The following WDR27 variants were observed in gnomAD, a reference collection of about 807,000 sequenced individuals.
The protein encoded by WDR27 is WD repeat-containing protein 27.
WDR27 carries 100 observed loss-of-function variants against 114.4 expected under a neutral mutation model. The ratio of observed to expected loss-of-function variants is 0.87; its 90% CI spans 0.74 to 1.03. WDR27 has a LOEUF of 1.03. Ranked by LOEUF, WDR27 falls within the 50% of genes least tolerant of loss-of-function variation. The pLI is 0.00. For synonymous variants in WDR27, 449 were observed against 423.1 expected, an observed-to-expected ratio of 1.06 and a Z score of -0.75; for missense variants, 1,129 against 1,092.9, an observed-to-expected ratio of 1.03 and a Z score of -0.47.
At chr6:169,487,193 AG>A (rs1343354689) in intron 25 of WDR27, among the ~76,000 whole-genome samples, 1 of 152,240 alleles carries the variant, frequency 6.6e-6, no homozygotes, top group Non-Finnish European at 1.5e-5. Flanking sequence ...GGACTGAATC[AG>A]TTAATATAAA....
At chr6:169,435,223 T>A in the WDR27 span, among the ~76,000 whole-genome samples, 2 of 152,350 alleles carry the variant, frequency 1.3e-5, no homozygotes, top group East Asian at 3.9e-4. Context: ...AACACCTGGA[T>A]GTCTAGGCAG....
intron 18 of WDR27, 35 bp from the exon 19 acceptor site, chr6:169,636,539 T>A: frequency 6.4e-7 from 1 of 1,563,758 alleles, no homozygotes; most frequent in African/African-American, 1.4e-5. Context: ...GTCAATATAA[T>A]AAATGTTAAC....
chr6:169,638,623 C>G lies in WDR27; in HGVS notation c.1785G>C (p.Gln595His), dbSNP rs753893337. 1.2e-6 allele frequency: 2 copies of G among 1,607,146 alleles called. No homozygotes were observed. Among genetic ancestry groups the G allele is most frequent in the Non-Finnish European group, 1.7e-6 (2 of 1,176,990 alleles). ...CCGCAGAGAGCAGCCACCTCCGGTCCTGGCTCCAGCACACGGCATTCACTG... is the reference window on the plus strand; with the variant it reads ...CCGCAGAGAGCAGCCACCTCCGGTCGTGGCTCCAGCACACGGCATTCACTG... Reference protein sequence around the residue: ...DGAVNAVCWSQDRRWLLSAAR... With the variant: ...DGAVNAVCWSHDRRWLLSAAR... The change falls in exon 18 of 26, where the codon CAG (glutamine) becomes CAC (histidine). Residue 595 changes from glutamine to histidine, a missense_variant. Coordinates refer to ENST00000448612, the MANE Select transcript of WDR27 (RefSeq NM_182552.5).
chr6:169,675,000 A>G (rs979718699), intron 2 of WDR27, among the ~76,000 whole-genome samples: 2 of 152,188 alleles, frequency 1.3e-5, no homozygotes, highest in Non-Finnish European at 2.9e-5. Flanking sequence ...CAATGTCATC[A>G]GTTAAGGCGG....
At chr6:169,610,120 T>C (rs549917581) in intron 22 of WDR27, among the ~76,000 whole-genome samples, 1 of 152,310 alleles carries the variant, frequency 6.6e-6, no homozygotes, top group East Asian at 1.9e-4. Context: ...GGCAAAGCCA[T>C]TCAACAAGTC....
At chr6:169,487,456 C>A (rs762154784) in intron 25 of WDR27, among the ~76,000 whole-genome samples, 2 of 152,142 alleles carry the variant, frequency 1.3e-5, no homozygotes, top group Non-Finnish European at 2.9e-5. Context: ...ACCCTGGCTT[C>A]ACACGTGAGG....
At position 169,701,982 on chromosome 6, in the gene WDR27, T is replaced by G. The variant is rs1450795207; in HGVS notation, c.-439A>C. On this transcript the variant is annotated 5_prime_UTR_variant, in exon 1 of 26. Transcript: ENST00000448612. Reference sequence around the variant, plus strand: ...TACCGAGCCACACTCCGCCCCACGCTCGCCGCTATGGTTACTTGCCAGCCG... The same window carrying G: ...TACCGAGCCACACTCCGCCCCACGCGCGCCGCTATGGTTACTTGCCAGCCG... The G allele has an allele frequency of 5.0e-6, 2 of 399,072 alleles. No homozygotes were observed. The highest frequency in any genetic ancestry group is 1.0e-5 in the Non-Finnish European group (2 of 196,560). The allele number at this position is 399,072 out of a possible 1,614,324, so 24.7% of individuals were successfully genotyped here. A position where few individuals can be genotyped will look rare whatever the true frequency, so the allele number is the denominator to read the frequency against.
At chr6:169,574,796 C>T (rs1211438720) in intron 24 of WDR27, among the ~76,000 whole-genome samples, 1 of 152,190 alleles carries the variant, frequency 6.6e-6, no homozygotes, top group Non-Finnish European at 1.5e-5. Context: ...GCCAGCCACA[C>T]ATCCAGGAAA....
downstream of WDR27, among the ~76,000 whole-genome samples, chr6:169,456,510 A>C (rs117489276): frequency 4.3e-3 from 651 of 152,250 alleles, 12 homozygotes; most frequent in East Asian, 0.043. This position sits in a 1 kb window ranked among gnomAD's most constrained non-coding sequence, Gnocchi z 4.0. Flanking sequence ...GTTATCTGGA[A>C]TCTTGAATTG....
At chr6:169,548,978 A>G (rs574187731) in intron 25 of WDR27, among the ~76,000 whole-genome samples, 2 of 152,340 alleles carry the variant, frequency 1.3e-5, no homozygotes, top group African/African-American at 4.8e-5. Context: ...AAGAAAACCT[A>G]GATGACCTTG....
At chr6:169,567,868 T>C (rs984057365) in intron 25 of WDR27, among the ~76,000 whole-genome samples, 1 of 151,820 alleles carries the variant, frequency 6.6e-6, no homozygotes, top group Non-Finnish European at 1.5e-5. Flanking sequence ...AGAAGAGGAG[T>C]GAGAGCGGCG....
chr6:169,483,699 A>G (rs1348635122), intron 25 of WDR27, among the ~76,000 whole-genome samples: 5 of 151,396 alleles, frequency 3.3e-5, no homozygotes, highest in Admixed American at 6.6e-5. Context: ...AAACACAAAC[A>G]CACACACACA....
intron 16 of WDR27, among the ~76,000 whole-genome samples, chr6:169,644,354 T>C (rs1250160421): frequency 6.6e-6 from 1 of 151,608 alleles, no homozygotes; most frequent in Non-Finnish European, 1.5e-5. Flanking sequence ...TAGAAAAGCC[T>C]AGTTCATACG....
chr6:169,668,397 C>A (rs1473375783), intron 4 of WDR27, among the ~76,000 whole-genome samples: 1 of 152,160 alleles, frequency 6.6e-6, no homozygotes, highest in African/African-American at 2.4e-5. Flanking sequence ...CACCGGCTGC[C>A]CCATGCATCT....
At chr6:169,432,811 T>A in the WDR27 span, among the ~76,000 whole-genome samples, 1 of 152,116 alleles carries the variant, frequency 6.6e-6, no homozygotes, top group East Asian at 1.9e-4. Context: ...ACTTTGGAAC[T>A]GGGTAACAGG....
chr6:169,550,267 A>G (rs1051881881), intron 25 of WDR27, among the ~76,000 whole-genome samples: 5 of 152,174 alleles, frequency 3.3e-5, no homozygotes, highest in African/African-American at 9.7e-5. Context: ...TTCTAAAATA[A>G]CACATCTAGC....
At chr6:169,444,542 G>A in the WDR27 span, among the ~76,000 whole-genome samples, 8 of 152,234 alleles carry the variant, frequency 5.3e-5, no homozygotes, top group African/African-American at 1.7e-4. Flanking sequence ...GGGGCCACAC[G>A]TCTGAGGCCA....
At chr6:169,574,895 C>G (rs1801999094) in intron 24 of WDR27, among the ~76,000 whole-genome samples, 1 of 152,188 alleles carries the variant, frequency 6.6e-6, no homozygotes, top group Admixed American at 6.5e-5. Context: ...AGGGAGGAAG[C>G]AGGGAGCATG....
At chr6:169,472,272 A>G (rs1323472525) in intron 25 of WDR27, among the ~76,000 whole-genome samples, 2 of 152,228 alleles carry the variant, frequency 1.3e-5, no homozygotes, top group African/African-American at 4.8e-5. Flanking sequence ...ACATACATAC[A>G]TAAAATGTCC....
Sources: allele counts gnomAD v4.1 joint callset (sites outside exome capture counted in the v4.1 genomes callset), GRCh38; gene constraint gnomAD v4.1.1; non-coding constraint Gnocchi (gnomAD v3.1); transcripts MANE v1.5; gene names NCBI Gene and HGNC (gene_info 2026-07-23, HGNC 2026-07-21).